COL4A5: variants seen among roughly 807,000 people sequenced by gnomAD.
COL4A5 encodes collagen type IV alpha 5 chain, also known as collagen alpha-5(IV) chain.
Under a neutral mutation model 130.2 loss-of-function variants are expected in COL4A5, and 26 were observed. The ratio of observed to expected loss-of-function variants is 0.20; its 90% CI spans 0.15 to 0.28. The LOEUF is 0.28. COL4A5 is among the 10% of genes least tolerant of loss of function. COL4A5 has a pLI of 1.00. For missense variants in COL4A5, 1,131 were observed against 1,344.3 expected, an observed-to-expected ratio of 0.84 and a Z score of 2.48; for synonymous variants, 496 against 439.6, an observed-to-expected ratio of 1.13 and a Z score of -1.60.
chrX:108,440,532 C>A, intron 1 of COL4A5: 1 of 256,468 alleles, frequency 3.9e-6, no homozygotes, highest in Admixed American at 6.3e-5. Flanking sequence ...TTCCTCCCCT[C>A]CCTCCACCGT....
intron 48 of COL4A5, 121 bp from the exon 49 acceptor site, chrX:108,687,361 A>G (rs767707380): frequency 2.0e-4 from 123 of 620,212 alleles, no homozygotes; most frequent in Non-Finnish European, 3.1e-4. Flanking sequence ...ATGCCTTTAT[A>G]GACACTCTAT....
intron 1 of COL4A5, among the ~76,000 whole-genome samples, chrX:108,531,371 A>AAATAAAT (rs1556380269): frequency 9.3e-4 from 1 of 1,075 alleles, no homozygotes; most frequent in African/African-American, 0.013. Context: ...ATAATGAAAT[A>AAATAAAT]AATAAATAAA....
intron 1 of COL4A5, among the ~76,000 whole-genome samples, chrX:108,526,654 TTCTTTCTTCTTTCTTTC>T (rs1569481187): frequency 2.1e-3 from 130 of 63,356 alleles, no homozygotes; most frequent in African/African-American, 0.011. Flanking sequence ...CTTTCTTTCT[TTCTTTCTTCTTTCTTTC>T]TCTTTCTTTC....
chrX:108,674,583 C>A, intron 42 of COL4A5, 162 bp from the exon 43 acceptor site: 1 of 523,035 alleles, frequency 1.9e-6, no homozygotes, highest in Non-Finnish European at 3.1e-6. Flanking sequence ...TGTTTGCATA[C>A]TGATTATGCT....
At chrX:108,510,831 T>C (rs1182084519) in intron 1 of COL4A5, among the ~76,000 whole-genome samples, 1 of 109,385 alleles carries the variant, frequency 9.1e-6, no homozygotes, top group Admixed American at 9.6e-5. Context: ...ATACAACTTT[T>C]TGTTTATTTT....
At chrX:108,539,675 T>A (rs2065507235) in intron 1 of COL4A5, 71 bp from the exon 2 acceptor site, 2 of 851,157 alleles carry the variant, frequency 2.3e-6, no homozygotes, top group African/African-American at 4.0e-5. Flanking sequence ...TGATTTCAGT[T>A]GAGCTGTAAG....
chrX:108,680,978 A>G, intron 46 of COL4A5, 22 bp downstream of exon 46: 1 of 1,140,055 alleles, frequency 8.8e-7, no homozygotes. Context: ...TCCTGAAGAT[A>G]GTTATACCTG....
At chrX:108,592,609 A>G (rs766485239) in intron 21 of COL4A5, among the ~76,000 whole-genome samples, 1 of 110,484 alleles carries the variant, frequency 9.1e-6, no homozygotes, top group Non-Finnish European at 1.9e-5. Context: ...CACTCCACAA[A>G]TGCTGGTCAG....
At chrX:108,600,129 A>T (rs73528317) in intron 25 of COL4A5, among the ~76,000 whole-genome samples, 11,726 of 111,954 alleles carry the variant, frequency 0.1, 1,304 homozygotes, top group African/African-American at 0.34. Context: ...GGTCATTTGA[A>T]TTTGCTTTTG....
At chrX:108,523,611 C>A (rs1020001830) in intron 1 of COL4A5, among the ~76,000 whole-genome samples, 2 of 111,843 alleles carry the variant, frequency 1.8e-5, no homozygotes, top group Admixed American at 9.5e-5. Flanking sequence ...GTTTTATGAT[C>A]AGCTTTTCCA....
intron 1 of COL4A5, among the ~76,000 whole-genome samples, chrX:108,501,682 T>G (rs1378539275): frequency 8.9e-6 from 1 of 112,481 alleles, no homozygotes; most frequent in Non-Finnish European, 1.9e-5. Flanking sequence ...CATGATAAAG[T>G]TACCTTTAGC....
chrX:108,695,400 G>C lies in COL4A5; in HGVS notation c.4955G>C (p.Ser1652Thr), dbSNP rs1444678890. The change falls in exon 52 of 53, where the codon AGC becomes ACC. Residue 1652 changes from serine (S) to threonine (T), a missense_variant. Physicochemically the swap from Ser to Thr is moderately conservative, Grantham distance 58. Transcript: ENST00000328300. ...TGTAACTACTATGCCAACTCCTACA[G>C]CTTTTGGCTGGCAACTGTAGATGTG... is the stretch of plus-strand genomic sequence containing the variant. ...GTCNYYANSY[S>T]FWLATVDVSD... The C allele has an allele frequency of 5.0e-6, 6 of 1,211,533 alleles. No individual in the cohort carries two copies. Among genetic ancestry groups the C allele is most frequent in the Non-Finnish European group, 6.7e-6 (6 of 895,457 alleles).
At chrX:108,670,790 C>CCAG in intron 42 of COL4A5, 1 of 286,314 alleles carries the variant, frequency 3.5e-6, no homozygotes, top group Admixed American at 3.6e-5. Flanking sequence ...GACTGTAATC[C>CCAG]CAGCACTTTG....
At chrX:108,505,648 G>A (rs777247861) in intron 1 of COL4A5, among the ~76,000 whole-genome samples, 2 of 111,814 alleles carry the variant, frequency 1.8e-5, no homozygotes, top group African/African-American at 6.5e-5. Context: ...AGGAAAGCAG[G>A]CATCTGCAAG....
chrX:108,510,007 AAC>A (rs913806352), intron 1 of COL4A5, among the ~76,000 whole-genome samples: 1 of 112,386 alleles, frequency 8.9e-6, no homozygotes, highest in African/African-American at 3.2e-5. Flanking sequence ...ATTTTGTGGG[AAC>A]AGAGATGGAG....
At chrX:108,543,647 A>G (rs2065588989) in intron 2 of COL4A5, among the ~76,000 whole-genome samples, 1 of 111,546 alleles carries the variant, frequency 9.0e-6, no homozygotes. Flanking sequence ...CTGTGAAGAA[A>G]GTCATTGGTA....
intron 47 of COL4A5, among the ~76,000 whole-genome samples, chrX:108,682,518 A>G (rs1222957483): frequency 2.7e-5 from 3 of 111,951 alleles, no homozygotes; most frequent in Non-Finnish European, 5.6e-5. Context: ...AACAGTGGAA[A>G]AGCATTCCTA....
chrX:108,555,729 T>C (rs1427515679), intron 2 of COL4A5, among the ~76,000 whole-genome samples: 1 of 111,967 alleles, frequency 8.9e-6, no homozygotes, highest in Admixed American at 9.5e-5. Flanking sequence ...ATTGTCATTA[T>C]AAAGTGCGCT....
At chrX:108,600,787 G>A (rs2066614399) in intron 25 of COL4A5, among the ~76,000 whole-genome samples, 1 of 111,304 alleles carries the variant, frequency 9.0e-6, no homozygotes, top group Non-Finnish European at 1.9e-5. Context: ...AGGGAAGCCA[G>A]TAGCTTGGCT....
Sources: gnomAD v4.1 joint callset for allele counts (sites outside exome capture counted in the v4.1 genomes callset) on GRCh38, gnomAD v4.1.1 for gene constraint, MANE v1.5 for transcripts, NCBI Gene and HGNC (gene_info 2026-07-23, HGNC 2026-07-21) for gene names.